DAOA: variants seen among roughly 807,000 people sequenced by gnomAD.
DAOA encodes D-amino acid oxidase activator.
DAOA carries 15 observed loss-of-function variants against 16.4 expected under a neutral mutation model. The observed-to-expected ratio is 0.91, with a 90% CI of 0.61 to 1.41. The LOEUF (loss-of-function observed/expected upper bound fraction) is 1.41, where lower values mean the gene tolerates loss of function less well. DAOA is among the 40% of genes most tolerant of loss of function. DAOA has a pLI of 0.00. For synonymous variants in DAOA, 75 were observed against 59.1 expected, an observed-to-expected ratio of 1.27 and a Z score of -1.23; for missense variants, 230 against 176.8, an observed-to-expected ratio of 1.30 and a Z score of -1.71.
intron 4 of DAOA, among the ~76,000 whole-genome samples, chr13:105,475,962 A>T (rs1877301506): frequency 6.6e-6 from 1 of 152,132 alleles, no homozygotes; most frequent in Non-Finnish European, 1.5e-5. Flanking sequence ...TGCACACTAA[A>T]TTTTTATGAA....
At chr13:105,480,369 T>A (rs1877630644) in intron 4 of DAOA, among the ~76,000 whole-genome samples, 1 of 152,048 alleles carries the variant, frequency 6.6e-6, no homozygotes, top group African/African-American at 2.4e-5. Context: ...TGTTTTTGGT[T>A]CCTAAGAGTC....
chr13:105,467,078 T>C lies in DAOA; in HGVS notation c.70T>C (p.Tyr24His). Residue 24 changes from tyrosine (Y) to histidine (H), a missense_variant, in exon 3 of 6, where the codon TAC becomes CAC. Tyr to His is a moderately conservative substitution (Grantham distance 83). Transcript: ENST00000375936. Reference protein sequence around the residue: ...FRSRYTLGKIYFIGFQRSILL... With the variant: ...FRSRYTLGKIHFIGFQRSILL... The stretch of plus-strand genomic sequence containing the variant: ...ATCCAGATATACATTGGGTAAAATC[T>C]ACTTCATAGGTTTTCAAAGGAGCAT... 6.2e-7 allele frequency: 1 copy of C among 1,611,722 alleles called. No homozygotes were observed.
At chr13:105,478,851 A>G (rs2893229) in intron 4 of DAOA, among the ~76,000 whole-genome samples, 55,772 of 152,086 alleles carry the variant, frequency 0.37, 10,593 homozygotes, top group East Asian at 0.57. Context: ...TGCCTGGCAA[A>G]TAGCAGATGC....
In DAOA at chr13:105,489,893, C is replaced by T. The variant is rs752359687; in HGVS notation, c.282-8C>T. The T allele has an allele frequency of 1.3e-5, 21 of 1,613,714 alleles. No homozygotes were observed. The East Asian group carries it at 4.7e-4, about 36-fold the overall frequency. On this transcript the variant is annotated splice_polypyrimidine_tract_variant and splice_region_variant and intron_variant, in intron 4 of 5. Transcript: ENST00000375936. Reference sequence around the variant, plus strand: ...GACCTGGCCAACTGAGACCGGATCTCCTTACAGGCTTGAAGAAGTAAGCAG... The same window carrying T: ...GACCTGGCCAACTGAGACCGGATCTTCTTACAGGCTTGAAGAAGTAAGCAG...
intron 4 of DAOA, among the ~76,000 whole-genome samples, chr13:105,475,860 T>C (rs905106009): frequency 1.3e-5 from 2 of 152,202 alleles, no homozygotes; most frequent in African/African-American, 4.8e-5. Context: ...TTGGAATATC[T>C]ATTTACAGAA....
chr13:105,485,811 G>A (rs988563153), intron 4 of DAOA, among the ~76,000 whole-genome samples: 20 of 152,156 alleles, frequency 1.3e-4, no homozygotes, highest in African/African-American at 4.8e-4. Flanking sequence ...TCCATGGATT[G>A]CCAGCAACAC....
chr13:105,472,086 G>C (rs1056194252), intron 3 of DAOA, among the ~76,000 whole-genome samples: 1 of 152,206 alleles, frequency 6.6e-6, no homozygotes, highest in Admixed American at 6.5e-5. Context: ...CCCCTTGACA[G>C]GGAAAAGGAA....
chr13:105,480,453 T>G (rs190146093), intron 4 of DAOA, among the ~76,000 whole-genome samples: 7 of 151,412 alleles, frequency 4.6e-5, no homozygotes, highest in Non-Finnish European at 8.9e-5. Context: ...TGTATTAGGG[T>G]TCTCCAGACA....
intron 3 of DAOA, among the ~76,000 whole-genome samples, chr13:105,471,110 A>T (rs911663100): frequency 2.6e-5 from 4 of 152,208 alleles, no homozygotes; most frequent in Admixed American, 1.3e-4. Context: ...TTCTTAGTAG[A>T]GACAGGGTTT....
At chr13:105,477,696 C>T (rs1169514113) in intron 4 of DAOA, among the ~76,000 whole-genome samples, 1 of 152,142 alleles carries the variant, frequency 6.6e-6, no homozygotes, top group Non-Finnish European at 1.5e-5. Flanking sequence ...TGCAGTCCAG[C>T]CTGGGTGACA....
chr13:105,468,179 C>T (rs1876668101), intron 3 of DAOA, among the ~76,000 whole-genome samples: 1 of 152,146 alleles, frequency 6.6e-6, no homozygotes, highest in South Asian at 2.1e-4. Flanking sequence ...ACCTTGGACC[C>T]ACCAGGATAA....
chr13:105,484,067 A>C (rs1206104086), intron 4 of DAOA, among the ~76,000 whole-genome samples: 3 of 152,170 alleles, frequency 2.0e-5, no homozygotes, highest in African/African-American at 7.2e-5. Flanking sequence ...ATATGGATCA[A>C]AGATTAACCG....
At chr13:105,489,543 G>A (rs1172804788) in intron 4 of DAOA, among the ~76,000 whole-genome samples, 1 of 152,126 alleles carries the variant, frequency 6.6e-6, no homozygotes, top group African/African-American at 2.4e-5. Flanking sequence ...AATAAGTAAA[G>A]TCATACAAAC....
At chr13:105,466,542 T>C in intron 2 of DAOA, 3 of 742,428 alleles carry the variant, frequency 4.0e-6, no homozygotes, top group South Asian at 4.5e-5. Context: ...CTCATGTTAA[T>C]GAGGAGGAGA....
chr13:105,469,410 A>G (rs2139167268), intron 3 of DAOA, among the ~76,000 whole-genome samples: 1 of 152,304 alleles, frequency 6.6e-6, no homozygotes. Context: ...ACATTATCCA[A>G]TCCTATTTTA....
At chr13:105,478,208 A>G (rs1877477357) in intron 4 of DAOA, among the ~76,000 whole-genome samples, 1 of 152,196 alleles carries the variant, frequency 6.6e-6, no homozygotes, top group Admixed American at 6.5e-5. Context: ...TTTTACACAA[A>G]TGTACCTTAT....
At chr13:105,490,849 G>C (rs913884562) in intron 5 of DAOA, 63 bp from the exon 6 acceptor site, 2 of 151,746 alleles carry the variant, frequency 1.3e-5, no homozygotes, top group Non-Finnish European at 2.9e-5. Context: ...AAGCAAAACT[G>C]ACTTTCTATT....
chr13:105,467,053 A>G lies in DAOA; in HGVS notation c.45A>G (p.Arg15=), dbSNP rs1305306986. The G allele has an allele frequency of 1.9e-6, 3 of 1,608,120 alleles. No individual in the cohort carries two copies. Among genetic ancestry groups the G allele is most frequent in the Admixed American group, 1.7e-5 (1 of 59,076 alleles). The change falls in exon 3 of 6, where the codon AGA becomes AGG. Residue 15 remains arginine, a splice_region_variant and synonymous_variant. Coordinates refer to ENST00000375936, the MANE Select transcript of DAOA (RefSeq NM_172370.5). ...GACTGATATTTTCTTTAATTTTTAG[A>G]TCCAGATATACATTGGGTAAAATCT... ...LMGADSLQLF[R]SRYTLGKIYF...
At chr13:105,485,411 C>T (rs529221015) in intron 4 of DAOA, among the ~76,000 whole-genome samples, 1 of 152,300 alleles carries the variant, frequency 6.6e-6, no homozygotes, top group South Asian at 2.1e-4. Flanking sequence ...CACGACTCTG[C>T]TTCCATCCCT....
Sources: gnomAD v4.1 joint callset for allele counts (sites outside exome capture counted in the v4.1 genomes callset) on GRCh38, gnomAD v4.1.1 for gene constraint, MANE v1.5 for transcripts, NCBI Gene and HGNC (gene_info 2026-07-23, HGNC 2026-07-21) for gene names.